NPAS3: variants seen among roughly 807,000 people sequenced by gnomAD.
NPAS3 encodes neuronal PAS domain protein 3.
In NPAS3, 14 loss-of-function variants were observed where a neutral mutation model predicts 73.1. That is an observed-to-expected ratio of 0.19 (90% CI 0.13 to 0.30). The LOEUF (loss-of-function observed/expected upper bound fraction) is 0.30, where lower values mean the gene tolerates loss of function less well. Among genes scored for constraint, NPAS3 ranks in the 10% least tolerant of loss-of-function variants. The pLI is 1.00. For synonymous variants in NPAS3, 620 were observed against 541.5 expected (o/e 1.14, Z -2.01); for missense variants, 1,096 against 1,250.0 (o/e 0.88, Z 1.86).
At chr14:33,479,053 T>C (rs2051183619) in intron 4 of NPAS3, among the ~76,000 whole-genome samples, 3 of 152,198 alleles carry the variant, frequency 2.0e-5, no homozygotes, top group Admixed American at 2.0e-4. Flanking sequence ...TGACTTCTAT[T>C]TAACTTAACC....
intron 3 of NPAS3, among the ~76,000 whole-genome samples, chr14:33,358,063 A>G (rs1461198681): frequency 2.0e-5 from 3 of 152,154 alleles, no homozygotes; most frequent in Non-Finnish European, 4.4e-5. Context: ...GGACAAGCAC[A>G]TCCTGGAAAT....
At chr14:33,439,491 G>A (rs1278091870) in intron 4 of NPAS3, among the ~76,000 whole-genome samples, 2 of 152,178 alleles carry the variant, frequency 1.3e-5, no homozygotes, top group African/African-American at 4.8e-5. Context: ...ACGTTCCTCA[G>A]AGCCGAGTTT....
intron 6 of NPAS3, among the ~76,000 whole-genome samples, chr14:33,698,438 T>G (rs776079539): frequency 2.6e-5 from 4 of 152,228 alleles, no homozygotes; most frequent in Admixed American, 6.5e-5. Flanking sequence ...GCTTAACTTC[T>G]TTCAAGAGAG....
intron 5 of NPAS3, among the ~76,000 whole-genome samples, chr14:33,569,164 G>T (rs529898033): frequency 6.6e-6 from 1 of 152,242 alleles, no homozygotes; most frequent in Admixed American, 6.5e-5. Context: ...CCTCCTTTCA[G>T]GCTCCTACAG....
intron 1 of NPAS3, among the ~76,000 whole-genome samples, chr14:33,000,540 C>T (rs560694127): frequency 1.3e-5 from 2 of 152,150 alleles, no homozygotes; most frequent in South Asian, 4.2e-4. Flanking sequence ...GTTTGAACTT[C>T]AATTAGTTGG....
chr14:33,802,520 G>C (rs999247934), downstream of NPAS3: 5 of 152,112 alleles, frequency 3.3e-5, no homozygotes, highest in African/African-American at 1.2e-4. Context: ...TTTGGCAGCT[G>C]TTTGTTAAGG....
At chr14:33,050,851 G>A (rs10151000) in intron 1 of NPAS3, among the ~76,000 whole-genome samples, 3,261 of 152,310 alleles carry the variant, frequency 0.021, 101 homozygotes, top group African/African-American at 0.067. Flanking sequence ...AAAAGCTAAT[G>A]TACTGTGTTC....
intron 3 of NPAS3, among the ~76,000 whole-genome samples, chr14:33,226,232 G>C (rs1003958809): frequency 6.6e-6 from 1 of 152,150 alleles, no homozygotes; most frequent in African/African-American, 2.4e-5. Context: ...ATGAAGAGAA[G>C]CATGATGAAA....
chr14:33,236,176 C>A (rs1049232117), intron 3 of NPAS3, among the ~76,000 whole-genome samples: 30 of 151,856 alleles, frequency 2.0e-4, no homozygotes, highest in Admixed American at 9.2e-4. Context: ...TGAAAAAAAA[C>A]CAAAGAGGAA....
At chr14:33,541,947 T>C (rs546922439) in intron 4 of NPAS3, among the ~76,000 whole-genome samples, 1 of 152,276 alleles carries the variant, frequency 6.6e-6, no homozygotes, top group African/African-American at 2.4e-5. Flanking sequence ...ATAACAGCAT[T>C]ATAGACATCT....
chr14:32,988,300 C>G (rs926654326), intron 1 of NPAS3, among the ~76,000 whole-genome samples: 1 of 152,100 alleles, frequency 6.6e-6, no homozygotes, highest in Non-Finnish European at 1.5e-5. Flanking sequence ...ATGTCCACAG[C>G]AGACTTATGT....
intron 5 of NPAS3, among the ~76,000 whole-genome samples, chr14:33,595,368 T>C (rs1373104798): frequency 3.3e-5 from 5 of 152,108 alleles, no homozygotes; most frequent in Non-Finnish European, 7.4e-5. Flanking sequence ...GCAGATTAGG[T>C]AAAGACCTAT....
chr14:33,577,419 C>T (rs778162939), intron 5 of NPAS3, among the ~76,000 whole-genome samples: 1 of 152,176 alleles, frequency 6.6e-6, no homozygotes, highest in Non-Finnish European at 1.5e-5. Context: ...TACAGCCCAT[C>T]ACGGACTCTA....
intron 2 of NPAS3, among the ~76,000 whole-genome samples, chr14:33,060,985 A>T (rs2041075997): frequency 6.6e-6 from 1 of 152,202 alleles, no homozygotes. Context: ...GTGGATTTGG[A>T]TTCACAACCA....
chr14:32,957,209 C>T (rs933908841), intron 1 of NPAS3, among the ~76,000 whole-genome samples: 17 of 152,164 alleles, frequency 1.1e-4, no homozygotes, highest in African/African-American at 4.1e-4. Flanking sequence ...ATATGTTTTA[C>T]AGTTTTAAAA....
chr14:33,238,388 C>T (rs946773990), intron 3 of NPAS3, among the ~76,000 whole-genome samples: 3 of 151,886 alleles, frequency 2.0e-5, no homozygotes, highest in Non-Finnish European at 4.4e-5. Context: ...TTTCTATTTC[C>T]ATTCTCTCTG....
chr14:33,202,655 A>G (rs2046664001), intron 2 of NPAS3, among the ~76,000 whole-genome samples: 1 of 152,036 alleles, frequency 6.6e-6, no homozygotes, highest in Admixed American at 6.5e-5. Flanking sequence ...CTAACTACTG[A>G]GATAAATATT....
intron 2 of NPAS3, among the ~76,000 whole-genome samples, chr14:33,180,328 A>G (rs1450191123): frequency 2.6e-5 from 4 of 152,026 alleles, no homozygotes; most frequent in South Asian, 2.1e-4. Context: ...ATAGCATCCT[A>G]TACTTACCTG....
At chr14:33,296,530 T>C (rs567919820) in intron 3 of NPAS3, among the ~76,000 whole-genome samples, 1 of 152,348 alleles carries the variant, frequency 6.6e-6, no homozygotes, top group Admixed American at 6.5e-5. Context: ...TCTTAGATAA[T>C]GTAGTCCTAA....
Sources: allele counts gnomAD v4.1 joint callset (sites outside exome capture counted in the v4.1 genomes callset), GRCh38; gene constraint gnomAD v4.1.1; transcripts MANE v1.5; gene names NCBI Gene and HGNC (gene_info 2026-07-23, HGNC 2026-07-21).